Variants in IL1RAPL2 observed in about 807,000 individuals in gnomAD.
The protein encoded by IL1RAPL2 is interleukin 1 receptor accessory protein like 2, also known as X-linked interleukin-1 receptor accessory protein-like 2.
In IL1RAPL2, 3 loss-of-function variants were observed where a neutral mutation model predicts 44.1. The ratio of observed to expected loss-of-function variants is 0.07; its 90% confidence interval spans 0.03 to 0.18. IL1RAPL2 has a LOEUF of 0.18. IL1RAPL2 is among the 10% of genes least tolerant of loss of function. IL1RAPL2 has a pLI of 1.00. For synonymous variants in IL1RAPL2, 181 were observed against 178.8 expected, an observed-to-expected ratio of 1.01 and a Z score of -0.10; for missense variants, 391 against 496.4, an observed-to-expected ratio of 0.79 and a Z score of 2.02.
At chrX:105,554,695 C>T (rs2036884557) in intron 6 of IL1RAPL2, among the ~76,000 whole-genome samples, 1 of 111,064 alleles carries the variant, frequency 9.0e-6, no homozygotes. Flanking sequence ...CTTCTTCTGC[C>T]ATATTGAAAT....
At chrX:105,155,013 T>C (rs780393110) in intron 2 of IL1RAPL2, among the ~76,000 whole-genome samples, 3 of 112,010 alleles carry the variant, frequency 2.7e-5, no homozygotes, top group Non-Finnish European at 5.6e-5. Context: ...TTGTCAATCA[T>C]CAAGTCCTGT....
At chrX:104,673,730 G>A (rs1011651009) in intron 2 of IL1RAPL2, among the ~76,000 whole-genome samples, 4 of 109,173 alleles carry the variant, frequency 3.7e-5, no homozygotes, top group Non-Finnish European at 7.6e-5. Context: ...CTACCCATGA[G>A]CATGGAATGT....
intron 5 of IL1RAPL2, among the ~76,000 whole-genome samples, chrX:105,280,525 A>G (rs899792349): frequency 2.9e-4 from 32 of 111,737 alleles, no homozygotes; most frequent in Non-Finnish European, 5.6e-4. Flanking sequence ...TTTGCAATCT[A>G]TCCATCTGAC....
chrX:105,447,891 TATATATAAATATGTTAAAAATATAA>T (rs2035984495), intron 5 of IL1RAPL2, among the ~76,000 whole-genome samples: 1 of 94,142 alleles, frequency 1.1e-5, no homozygotes, highest in Non-Finnish European at 2.0e-5. Context: ...AATATATAAA[TATATATAAATATGTTAAAAATATAA>T]ATATATAAAT....
intron 2 of IL1RAPL2, among the ~76,000 whole-genome samples, chrX:105,041,896 A>C (rs1420296126): frequency 9.0e-6 from 1 of 111,214 alleles, no homozygotes; most frequent in Non-Finnish European, 1.9e-5. Flanking sequence ...TCAATGGAAC[A>C]GAAGAGAGCC....
intron 2 of IL1RAPL2, among the ~76,000 whole-genome samples, chrX:105,178,250 T>C (rs199892020): frequency 9.0e-6 from 1 of 111,515 alleles, no homozygotes; most frequent in East Asian, 2.8e-4. Flanking sequence ...TGTGACTGGC[T>C]TATTTAACTT....
chrX:105,289,503 G>A (rs1423772964), intron 5 of IL1RAPL2, among the ~76,000 whole-genome samples: 4 of 111,720 alleles, frequency 3.6e-5, no homozygotes, highest in Non-Finnish European at 7.5e-5. Context: ...GTTTAGCAGT[G>A]AAAGGAATTA....
chrX:105,320,920 A>T (rs2034892687), intron 5 of IL1RAPL2, among the ~76,000 whole-genome samples: 1 of 111,460 alleles, frequency 9.0e-6, no homozygotes, highest in African/African-American at 3.3e-5. Flanking sequence ...TTTGCACATA[A>T]ACACCATCTC....
intron 5 of IL1RAPL2, among the ~76,000 whole-genome samples, chrX:105,396,013 A>G (rs1469413269): frequency 9.0e-6 from 1 of 111,700 alleles, no homozygotes; most frequent in Non-Finnish European, 1.9e-5. Context: ...GAGAGGCTTG[A>G]AGCAGGAAAA....
At chrX:104,586,318 A>C (rs1928563102) in intron 1 of IL1RAPL2, among the ~76,000 whole-genome samples, 1 of 111,397 alleles carries the variant, frequency 9.0e-6, no homozygotes, top group Non-Finnish European at 1.9e-5. Flanking sequence ...AAATTTGTTT[A>C]ATCCTTATAG....
chrX:104,879,365 TAA>T (rs753494292), intron 2 of IL1RAPL2, among the ~76,000 whole-genome samples: 6 of 31,017 alleles, frequency 1.9e-4, no homozygotes, highest in Admixed American at 6.5e-4. Flanking sequence ...GCAAAACTAG[TAA>T]AAAAAAAAAA....
intron 3 of IL1RAPL2, chrX:105,220,131 C>T (rs782690962): frequency 8.3e-5 from 100 of 1,210,233 alleles, no homozygotes; most frequent in Middle Eastern, 2.3e-4. Flanking sequence ...GCCACCGCAC[C>T]CTGTGCCTTT....
chrX:105,655,390 T>A (rs1326660796), intron 6 of IL1RAPL2, among the ~76,000 whole-genome samples: 1 of 112,800 alleles, frequency 8.9e-6, no homozygotes, highest in Admixed American at 9.4e-5. Context: ...AATTACAAAA[T>A]AATCATTTCT....
chrX:104,778,289 A>G (rs900232905), intron 2 of IL1RAPL2, among the ~76,000 whole-genome samples: 7 of 111,747 alleles, frequency 6.3e-5, no homozygotes, highest in Non-Finnish European at 1.9e-5. Context: ...CTATGCAATG[A>G]AAAGAGAGAA....
At position 105,398,861 on chromosome X, in the gene IL1RAPL2, C is replaced by T. The variant is rs755511485; in HGVS notation, c.698-85452C>T. Among the ~76,000 whole-genome samples the T allele has an allele frequency of 6.3e-5, 7 of 111,846 alleles. 1 individual carries two copies. The South Asian group carries it at 1.5e-3, about 24-fold the overall frequency. On this transcript the variant is annotated intron_variant, in intron 5 of 10. Transcript: ENST00000372582. ...GGCAAGACTGTTCTTCTGATCTTCTCCTGTTTTCTCTACAGTGCCCAACAC... is the reference window on the plus strand; with the variant it reads ...GGCAAGACTGTTCTTCTGATCTTCTTCTGTTTTCTCTACAGTGCCCAACAC...
At chrX:105,171,998 G>A (rs2033427963) in intron 2 of IL1RAPL2, among the ~76,000 whole-genome samples, 2 of 112,549 alleles carry the variant, frequency 1.8e-5, no homozygotes, top group Non-Finnish European at 3.8e-5. Context: ...TCTAGATGGA[G>A]TGAGAAAAGA....
intron 2 of IL1RAPL2, among the ~76,000 whole-genome samples, chrX:104,945,751 T>G (rs1256908435): frequency 8.9e-6 from 1 of 112,340 alleles, no homozygotes; most frequent in East Asian, 2.8e-4. Flanking sequence ...ATGAGCAGTT[T>G]CATTAATTAC....
At chrX:105,038,958 G>A (rs772214413) in intron 2 of IL1RAPL2, among the ~76,000 whole-genome samples, 1 of 111,440 alleles carries the variant, frequency 9.0e-6, no homozygotes, top group Non-Finnish European at 1.9e-5. Context: ...GGACAGACAG[G>A]TAGTTTCAAT....
At chrX:105,071,302 T>C (rs1316777101) in intron 2 of IL1RAPL2, among the ~76,000 whole-genome samples, 3 of 111,488 alleles carry the variant, frequency 2.7e-5, no homozygotes, top group Non-Finnish European at 5.7e-5. Flanking sequence ...AAAATACTTA[T>C]GAATAAATTT....
Sources: gnomAD v4.1 joint callset for allele counts (sites outside exome capture counted in the v4.1 genomes callset) on GRCh38, gnomAD v4.1.1 for gene constraint, MANE v1.5 for transcripts, NCBI Gene and HGNC (gene_info 2026-07-23, HGNC 2026-07-21) for gene names.